ROR2: variants seen among roughly 807,000 people sequenced by gnomAD.
ROR2 encodes ROR family WNT receptor 2.
A neutral mutation model predicts 74.9 loss-of-function variants in ROR2; 33 were observed. The observed-to-expected ratio is 0.44, with a 90% CI of 0.33 to 0.59. The LOEUF is 0.59. Among genes scored for constraint, ROR2 ranks in the 20% least tolerant of loss-of-function variants. The probability of loss-of-function intolerance (pLI) is 0.02; values close to 1 mark genes in which losing one functional copy is unlikely to be tolerated. For missense variants in ROR2, 1,216 were observed against 1,313.8 expected (o/e 0.93, Z 1.15); for synonymous variants, 586 against 558.7 (o/e 1.05, Z -0.69).
chr9:91,917,273 T>G (rs1831160638), intron 1 of ROR2, among the ~76,000 whole-genome samples: 1 of 152,172 alleles, frequency 6.6e-6, no homozygotes, highest in Admixed American at 6.5e-5. Flanking sequence ...TTCTAAACAC[T>G]TTGGCCAATA....
intron 1 of ROR2, among the ~76,000 whole-genome samples, chr9:91,886,322 C>G (rs1484832870): frequency 2.6e-5 from 4 of 152,164 alleles, no homozygotes; most frequent in African/African-American, 7.2e-5. Flanking sequence ...GGCCATCATT[C>G]TCCCCCTCCC....
At chr9:91,831,270 C>CAA (rs113100972) in intron 1 of ROR2, among the ~76,000 whole-genome samples, 38 of 141,816 alleles carry the variant, frequency 2.7e-4, no homozygotes, top group Middle Eastern at 3.6e-3. Flanking sequence ...CTCAAAAAAA[C>CAA]AAAAAAAAAA....
intron 1 of ROR2, among the ~76,000 whole-genome samples, chr9:91,865,388 T>C (rs369362821): frequency 7.4e-4 from 112 of 152,360 alleles, no homozygotes; most frequent in African/African-American, 2.6e-3. Flanking sequence ...TTGGCTTTCT[T>C]TAATGTATCT....
intron 1 of ROR2, among the ~76,000 whole-genome samples, chr9:91,829,572 A>AAAAAAAAAAAAAAC (rs1828398366): frequency 1.3e-5 from 2 of 151,220 alleles, no homozygotes; most frequent in African/African-American, 2.4e-5. Flanking sequence ...AAAAAAAAAA[A>AAAAAAAAAAAAAAC]AGCACACATC....
chr9:91,860,267 C>T (rs535222329), intron 1 of ROR2, among the ~76,000 whole-genome samples: 12 of 152,248 alleles, frequency 7.9e-5, no homozygotes, highest in African/African-American at 2.6e-4. Context: ...CCCTCGGCAG[C>T]GCTTGGTGAC....
chr9:91,899,855 A>C (rs55936817), intron 1 of ROR2, among the ~76,000 whole-genome samples: 5,511 of 152,234 alleles, frequency 0.036, 159 homozygotes, highest in Non-Finnish European at 0.053. Context: ...GCAAACACAC[A>C]CACACAGGTG....
chr9:91,757,211 T>C, intron 3 of ROR2, 61 bp downstream of exon 3: 2 of 1,607,222 alleles, frequency 1.2e-6, no homozygotes, highest in South Asian at 1.1e-5. Flanking sequence ...ACTGGACCTC[T>C]TGCTCGGTGG....
intron 1 of ROR2, among the ~76,000 whole-genome samples, chr9:91,945,157 T>C (rs1398502157): frequency 6.6e-6 from 1 of 152,082 alleles, no homozygotes; most frequent in Non-Finnish European, 1.5e-5. Flanking sequence ...CCCAGTGACA[T>C]TTTTGCATAG....
intron 1 of ROR2, among the ~76,000 whole-genome samples, chr9:91,911,646 A>G (rs1463877411): frequency 6.6e-6 from 1 of 152,192 alleles, no homozygotes; most frequent in East Asian, 1.9e-4. Context: ...AAAAGCTGAA[A>G]TCATTATTAC....
At chr9:91,732,960 C>T (rs975631869) in intron 6 of ROR2, among the ~76,000 whole-genome samples, 162 bp downstream of exon 6, 7 of 152,208 alleles carry the variant, frequency 4.6e-5, no homozygotes, top group African/African-American at 1.7e-4. Context: ...TGCTGCCCTG[C>T]TGGAATGGAG....
At chr9:91,850,070 G>C (rs921325640) in intron 1 of ROR2, among the ~76,000 whole-genome samples, 2 of 152,158 alleles carry the variant, frequency 1.3e-5, no homozygotes, top group African/African-American at 2.4e-5. Flanking sequence ...AGCTCAGTAT[G>C]TCTGGAAGGC....
chr9:91,949,119 T>C (rs1054207927), intron 1 of ROR2, among the ~76,000 whole-genome samples: 2 of 137,422 alleles, frequency 1.5e-5, no homozygotes, highest in African/African-American at 5.5e-5. Flanking sequence ...GTCCCGGGGG[T>C]CCCCCCGGCG....
intron 2 of ROR2, among the ~76,000 whole-genome samples, chr9:91,770,179 G>A (rs1826183217): frequency 6.6e-6 from 1 of 152,188 alleles, no homozygotes; most frequent in Non-Finnish European, 1.5e-5. Flanking sequence ...GTGGCCCTGG[G>A]GACTGCACCA....
At chr9:91,884,901 C>T (rs979395022) in intron 1 of ROR2, among the ~76,000 whole-genome samples, 1 of 152,156 alleles carries the variant, frequency 6.6e-6, no homozygotes, top group African/African-American at 2.4e-5. Flanking sequence ...TCATCAACTT[C>T]CTGTGCTGGG....
chr9:91,728,350 T>C (rs994924518), intron 7 of ROR2, among the ~76,000 whole-genome samples: 4 of 152,368 alleles, frequency 2.6e-5, no homozygotes, highest in East Asian at 1.9e-4. Flanking sequence ...TTCTGACATA[T>C]AGACACAGTA....
chr9:91,724,033 C>T lies in ROR2; in HGVS notation c.2461G>A (p.Val821Ile), dbSNP rs149056068. 1.4e-4 allele frequency: 233 copies of T among 1,612,188 alleles called. 1 individual carries two copies. In the African/African-American group the frequency reaches 2.5e-3, roughly 17 times the overall value. Reference protein sequence around the residue: ...MVPPPQLYVPVNGYQPVPAYG... With the variant: ...MVPPPQLYVPINGYQPVPAYG... ...GCCGGCACCGGCTGGTAGCCGTTGACGGGGACGTAGAGCTGCGGCGGGGGC... is the reference window on the plus strand; with the variant it reads ...GCCGGCACCGGCTGGTAGCCGTTGATGGGGACGTAGAGCTGCGGCGGGGGC... The change falls in exon 9 of 9, where the codon GTC becomes ATC. Residue 821 changes from valine (V) to isoleucine (I), a missense_variant. Transcript: ENST00000375708.
chr9:91,852,154 A>T (rs1350386322), intron 1 of ROR2, among the ~76,000 whole-genome samples: 1 of 152,114 alleles, frequency 6.6e-6, no homozygotes, highest in Non-Finnish European at 1.5e-5. Flanking sequence ...ACAGATATAT[A>T]AAAATGCCAC....
intron 1 of ROR2, among the ~76,000 whole-genome samples, chr9:91,888,321 T>TA (rs1182767345): frequency 6.6e-6 from 1 of 152,104 alleles, no homozygotes; most frequent in East Asian, 1.9e-4. Context: ...TTTAAAGACT[T>TA]AAAGGTACAA....
chr9:91,874,271 G>A (rs183171805), intron 1 of ROR2, among the ~76,000 whole-genome samples: 50 of 152,292 alleles, frequency 3.3e-4, no homozygotes, highest in African/African-American at 9.6e-4. Flanking sequence ...CACCTGCACC[G>A]GTTCAGGAGG....
Sources: allele counts gnomAD v4.1 joint callset (sites outside exome capture counted in the v4.1 genomes callset), GRCh38; gene constraint gnomAD v4.1.1; transcripts MANE v1.5; gene names NCBI Gene and HGNC (gene_info 2026-07-23, HGNC 2026-07-21).